Variants in CFDP1 observed in about 807,000 individuals in gnomAD.
The protein encoded by CFDP1 is heterochromatin-stabilizing protein CFDP1.
CFDP1 carries 31 observed loss-of-function variants against 40.1 expected under a neutral mutation model. That is an observed-to-expected ratio of 0.77 (90% CI 0.58 to 1.04). CFDP1 has a LOEUF of 1.04. Among genes scored for constraint, CFDP1 ranks in the 50% least tolerant of loss-of-function variants. The pLI is 0.00. For synonymous variants in CFDP1, 167 were observed against 120.0 expected (o/e 1.39, Z -2.56); for missense variants, 423 against 343.4 (o/e 1.23, Z -1.83).
intron 6 of CFDP1, among the ~76,000 whole-genome samples, chr16:75,304,594 A>G (rs2078245173): frequency 6.6e-6 from 1 of 152,196 alleles, no homozygotes; most frequent in Non-Finnish European, 1.5e-5. Flanking sequence ...CACAGACAAA[A>G]AAAAATTCAC....
chr16:75,431,777 C>T (rs910219763), intron 1 of CFDP1, among the ~76,000 whole-genome samples: 6 of 152,056 alleles, frequency 3.9e-5, no homozygotes, highest in Non-Finnish European at 7.4e-5. Context: ...TCAGGGGCTA[C>T]TAAAAATGAT....
At chr16:75,426,035 CAAAAAAAAAAA>C (rs71134711) in intron 1 of CFDP1, among the ~76,000 whole-genome samples, 402 of 34,530 alleles carry the variant, frequency 0.012, 4 homozygotes, top group Admixed American at 0.053. Flanking sequence ...CACTCTGTCT[CAAAAAAAAAAA>C]AAAAAAAAAA....
Position 75,395,076 on chromosome 16 carries a change from A to G in CFDP1, c.650+14T>C. ...CGTGCCAAGTACATCAGGGAGTGAGACTCAAATACTCACCCTGACCCGGCA... is the reference window on the plus strand; with the variant it reads ...CGTGCCAAGTACATCAGGGAGTGAGGCTCAAATACTCACCCTGACCCGGCA... On this transcript the variant is annotated intron_variant, in intron 5 of 6. Transcript: ENST00000283882. The G allele has an allele frequency of 6.2e-7, 1 of 1,613,300 alleles. No homozygotes were observed. Among genetic ancestry groups the G allele is most frequent in the Non-Finnish European group, 8.5e-7 (1 of 1,179,554 alleles).
At chr16:75,397,182 G>T (rs1256820217) in intron 4 of CFDP1, among the ~76,000 whole-genome samples, 2 of 151,570 alleles carry the variant, frequency 1.3e-5, no homozygotes, top group African/African-American at 4.8e-5. Flanking sequence ...CCAAAGTGCT[G>T]GGATTACAGG....
intron 5 of CFDP1, among the ~76,000 whole-genome samples, chr16:75,371,880 C>G (rs952388766): frequency 1.3e-5 from 2 of 152,022 alleles, no homozygotes; most frequent in African/African-American, 4.8e-5. Flanking sequence ...ATTTCCTTGT[C>G]CTAATACGAA....
intron 1 of CFDP1, among the ~76,000 whole-genome samples, chr16:75,422,889 A>T (rs2079296110): frequency 6.6e-6 from 1 of 151,314 alleles, no homozygotes; most frequent in South Asian, 2.1e-4. Context: ...CACACCTGTA[A>T]TGCCAGCACT....
intron 5 of CFDP1, among the ~76,000 whole-genome samples, chr16:75,338,617 G>A (rs2078506541): frequency 6.6e-6 from 1 of 152,274 alleles, no homozygotes. Flanking sequence ...ACTTTCCAGA[G>A]GGTTACTGAC....
chr16:75,405,086 T>A (rs1203664418), intron 4 of CFDP1, among the ~76,000 whole-genome samples: 1 of 152,198 alleles, frequency 6.6e-6, no homozygotes, highest in Non-Finnish European at 1.5e-5. Flanking sequence ...TTTGACAATG[T>A]CACAATACTC....
intron 1 of CFDP1, among the ~76,000 whole-genome samples, chr16:75,424,727 G>A (rs2079316580): frequency 6.9e-6 from 1 of 145,118 alleles, no homozygotes; most frequent in African/African-American, 2.6e-5. Flanking sequence ...GCACACTCCA[G>A]CCTGGGCAAC....
chr16:75,306,208 A>G (rs1037985812), intron 5 of CFDP1, among the ~76,000 whole-genome samples: 2 of 152,240 alleles, frequency 1.3e-5, no homozygotes, highest in Admixed American at 6.5e-5. Flanking sequence ...TTACTTGTCT[A>G]GAATGTTTGT....
chr16:75,357,379 T>G (rs916953949), intron 5 of CFDP1, among the ~76,000 whole-genome samples: 4 of 152,098 alleles, frequency 2.6e-5, no homozygotes, highest in Non-Finnish European at 4.4e-5. Context: ...CTCAGCCTCC[T>G]GAGTAGCTGG....
chr16:75,341,473 G>A (rs1199739596), intron 5 of CFDP1, among the ~76,000 whole-genome samples: 4 of 152,158 alleles, frequency 2.6e-5, no homozygotes, highest in African/African-American at 9.7e-5. Context: ...TCTTGAGGCT[G>A]TCAAGAGAAG....
chr16:75,344,157 C>T (rs2078545963), intron 5 of CFDP1, among the ~76,000 whole-genome samples: 2 of 152,182 alleles, frequency 1.3e-5, no homozygotes, highest in Non-Finnish European at 2.9e-5. Flanking sequence ...TAACTTTTGG[C>T]AGTAGTGCAT....
intron 6 of CFDP1, among the ~76,000 whole-genome samples, chr16:75,299,456 G>T (rs964750754): frequency 1.3e-5 from 2 of 151,822 alleles, no homozygotes. Flanking sequence ...TTAGCCGGGT[G>T]TGGTGGCGGG....
intron 5 of CFDP1, among the ~76,000 whole-genome samples, chr16:75,379,493 C>A (rs2078835213): frequency 6.6e-6 from 1 of 151,988 alleles, no homozygotes; most frequent in Non-Finnish European, 1.5e-5. Flanking sequence ...AAAGACAAAC[C>A]ACAAGACACT....
intron 5 of CFDP1, among the ~76,000 whole-genome samples, chr16:75,355,876 T>C (rs1385705824): frequency 6.6e-6 from 1 of 152,198 alleles, no homozygotes; most frequent in Admixed American, 6.5e-5. Context: ...TCTCTTTTCT[T>C]TACAAATTAC....
intron 5 of CFDP1, among the ~76,000 whole-genome samples, chr16:75,321,132 A>T (rs946859124): frequency 6.6e-6 from 1 of 151,916 alleles, no homozygotes; most frequent in African/African-American, 2.4e-5. Context: ...TTAATAAATT[A>T]TTATTATTAT....
At position 75,355,673 on chromosome 16, in the gene CFDP1, A is replaced by G. The variant is rs776539854; in HGVS notation, c.650+39417T>C. Reference sequence around the variant, plus strand: ...AGGATAAGGTGGAGGTAACTGAATCATGGGGGCAGTTCCCCCATGCTGTTC... The same window carrying G: ...AGGATAAGGTGGAGGTAACTGAATCGTGGGGGCAGTTCCCCCATGCTGTTC... On this transcript the variant is annotated intron_variant, in intron 5 of 6. Transcript: ENST00000283882. Among the ~76,000 whole-genome samples, 37 of 152,274 alleles carry G rather than the reference A, an allele frequency of 2.4e-4. 1 individual carries two copies. Among genetic ancestry groups the G allele is most frequent in the African/African-American group, 8.7e-4 (36 of 41,550 alleles).
rs2079160164 is a variant in CFDP1, at chr16:75,411,263, G to C, written c.530+562C>G. ...AAAAAAACTACAAAAGAATTAGCTG[G>C]GTATGGTGGCGTGTGCCTGTAATCC... On this transcript the variant is annotated intron_variant, in intron 4 of 6. Coordinates refer to ENST00000283882, the MANE Select transcript of CFDP1 (RefSeq NM_006324.3). 2.0e-5 allele frequency among the ~76,000 whole-genome samples: 3 copies of C among 152,058 alleles called. No individual in the cohort carries two copies. The South Asian group carries it at 6.2e-4, about 32-fold the overall frequency.
Sources: allele counts gnomAD v4.1 joint callset (sites outside exome capture counted in the v4.1 genomes callset), GRCh38; gene constraint gnomAD v4.1.1; transcripts MANE v1.5; gene names NCBI Gene and HGNC (gene_info 2026-07-23, HGNC 2026-07-21).